The following FBXL12 variants were observed in gnomAD, a reference collection of about 807,000 sequenced individuals.
The protein encoded by FBXL12 is F-box/LRR-repeat protein 12.
A neutral mutation model predicts 24.9 loss-of-function variants in FBXL12; 22 were observed. The ratio of observed to expected loss-of-function variants is 0.88; its 90% CI spans 0.63 to 1.26. FBXL12 has a LOEUF of 1.26. FBXL12 is among the 50% of genes most tolerant of loss of function. The pLI, the probability that FBXL12 is intolerant of heterozygous loss-of-function variation, is 0.00. For synonymous variants in FBXL12, 193 were observed against 193.8 expected (o/e 1.00, Z 0.03); for missense variants, 384 against 434.1 (o/e 0.88, Z 1.03).
At chr19:9,814,901 T>C (rs750971342) in intron 2 of FBXL12, among the ~76,000 whole-genome samples, 1 of 150,314 alleles carries the variant, frequency 6.7e-6, no homozygotes, top group Non-Finnish European at 1.5e-5. Flanking sequence ...GAGATTTGGG[T>C]GGGGACACAG....
intron 2 of FBXL12, 57 bp downstream of exon 2, chr19:9,818,488 C>A: frequency 1.3e-6 from 2 of 1,515,040 alleles, no homozygotes; most frequent in East Asian, 2.5e-5. Flanking sequence ...GAGAGGTGGT[C>A]TTCGGGGTCC....
intron 2 of FBXL12, chr19:9,813,269 T>C (rs2045800854): frequency 8.1e-7 from 1 of 1,230,758 alleles, no homozygotes; most frequent in South Asian, 4.1e-5. Context: ...CTTGGCATCA[T>C]AGGGCCTAAT....
At chr19:9,815,047 C>T in intron 2 of FBXL12, among the ~76,000 whole-genome samples, 1 of 152,162 alleles carries the variant, frequency 6.6e-6, no homozygotes, top group South Asian at 2.1e-4. Flanking sequence ...TCCAAAGTCT[C>T]ATCTGAGACA....
intron 2 of FBXL12, among the ~76,000 whole-genome samples, chr19:9,817,807 A>G (rs1253888150): frequency 1.3e-5 from 2 of 152,262 alleles, no homozygotes; most frequent in Non-Finnish European, 2.9e-5. Flanking sequence ...TACTAACACT[A>G]TAATTGTTTT....
intron 2 of FBXL12, chr19:9,813,245 G>C: frequency 8.1e-7 from 1 of 1,231,356 alleles, no homozygotes. Flanking sequence ...GCCTTTTATT[G>C]CTGGATTTCT....
chr19:9,818,707 C>G, intron 1 of FBXL12, 21 bp downstream of exon 1: 4 of 1,543,730 alleles, frequency 2.6e-6, no homozygotes, highest in Non-Finnish European at 3.5e-6. Flanking sequence ...CCTGCCCTTC[C>G]CCCCGGAGGC....
In FBXL12 at chr19:9,819,048, G is replaced by GCGTGATTTGGCCGCGA; in HGVS notation, c.-251_-236dup. 1.7e-6 allele frequency: 1 copy of GCGTGATTTGGCCGCGA among 578,528 alleles called. No homozygotes were observed. The highest frequency in any genetic ancestry group is 3.1e-6 in the Non-Finnish European group (1 of 323,704). The allele number at this position is 578,528 out of a possible 1,614,324, so 35.8% of individuals were successfully genotyped here. On this transcript the variant is annotated 5_prime_UTR_variant, in exon 1 of 3. Transcript: ENST00000247977. Reference sequence around the variant, plus strand: ...GAGAGGCTTGCGGGAGGTGGCTGAGGCGTGATTTGGCCGCGACTGGGAACT... The same window carrying GCGTGATTTGGCCGCGA: ...GAGAGGCTTGCGGGAGGTGGCTGAGGCGTGATTTGGCCGCGACGTGATTTGGCCGCGACTGGGAACT...
At chr19:9,813,444 T>C (rs1259118865) in intron 2 of FBXL12, 1 of 333,374 alleles carries the variant, frequency 3.0e-6, no homozygotes. Context: ...CAAGCGATTC[T>C]CGTGCCTTAG....
rs571079470 is a variant in FBXL12 at position 9,815,780 on chromosome 19, G to A, written c.159+2765C>T. Reference sequence around the variant, plus strand: ...AGCGATTCTCCTGCCTCAGCCTCCCGAGTAGCTGGGATTACAAGCATGCGC... The same window carrying A: ...AGCGATTCTCCTGCCTCAGCCTCCCAAGTAGCTGGGATTACAAGCATGCGC... On this transcript the variant is annotated intron_variant, in intron 2 of 2. Transcript: ENST00000247977. Among the ~76,000 whole-genome samples the A allele has an allele frequency of 1.5e-4, 23 of 151,816 alleles. 1 individual carries two copies. Among genetic ancestry groups the A allele is most frequent in the South Asian group, 1.5e-3 (7 of 4,812 alleles).
intron 2 of FBXL12, chr19:9,814,350 AC>A (rs1347836635): frequency 1.3e-5 from 2 of 152,120 alleles, no homozygotes; most frequent in Non-Finnish European, 2.9e-5. Context: ...CTACTAAAAT[AC>A]AAAAAAAAAT....
At chr19:9,818,493 GGGTCCGGGCACCGCGACCGC>G (rs1297892992) in intron 2 of FBXL12, 32 bp downstream of exon 2, 1 of 1,519,834 alleles carries the variant, frequency 6.6e-7, no homozygotes, top group African/African-American at 1.4e-5. Flanking sequence ...GTGGTCTTCG[GGGTCCGGGCACCGCGACCGC>G]GGCCCAGGCC....
chr19:9,813,919 A>G (rs931507866), intron 2 of FBXL12, among the ~76,000 whole-genome samples: 9 of 152,048 alleles, frequency 5.9e-5, no homozygotes, highest in African/African-American at 2.2e-4. Context: ...GATTACAGGC[A>G]TGAGCCACTG....
intron 2 of FBXL12, among the ~76,000 whole-genome samples, chr19:9,812,507 G>A (rs961282390): frequency 1.4e-5 from 2 of 144,638 alleles, no homozygotes; most frequent in South Asian, 4.4e-4. Context: ...CTCCAGCCTG[G>A]GCGATAGAGT....
chr19:9,810,606 G>C lies in FBXL12; in HGVS notation c.*290C>G, dbSNP rs1443888030. The C allele has an allele frequency of 3.5e-6, 1 of 286,296 alleles. No homozygotes were observed. The highest frequency in any genetic ancestry group is 2.1e-5 in the African/African-American group (1 of 46,694). 17.7% of individuals were successfully genotyped at this position (286,296 alleles called of 1,614,324 possible). On this transcript the variant is annotated 3_prime_UTR_variant, in exon 3 of 3. Coordinates refer to ENST00000247977, the MANE Select transcript of FBXL12 (RefSeq NM_017703.3). ...GGTGACTCTTCATTGAGAGCCTCTG[G>C]AGGCTGGGAGCTTTTAGAGTAAGGC...
chr19:9,811,157 G>A lies in FBXL12; in HGVS notation c.720C>T (p.Leu240=). Residue 240 remains leucine, a synonymous_variant, in exon 3 of 3, where the codon CTC becomes CTT. Transcript: ENST00000247977. This position sits in a 1 kb window ranked among gnomAD's most constrained non-coding sequence, Gnocchi z 6.0. ...CCAGCACAGCCAGGCCAGGGGCAGAGAGGCCCCTCACGGTCAGCCGGATCT... is the reference window on the plus strand; with the variant it reads ...CCAGCACAGCCAGGCCAGGGGCAGAAAGGCCCCTCACGGTCAGCCGGATCT... ...VRKIRLTVRG[L]SAPGLAVLEG... is the part of the protein sequence containing the mutation. 1 of 1,606,860 alleles carries A rather than the reference G, an allele frequency of 6.2e-7. No individual in the cohort carries two copies.
intron 2 of FBXL12, chr19:9,814,369 G>C (rs904475934): frequency 1.3e-5 from 2 of 152,202 alleles, no homozygotes; most frequent in Non-Finnish European, 2.9e-5. Context: ...AATTAGCCGA[G>C]TGTGGTGGTG....
chr19:9,811,645 C>T lies in FBXL12; in HGVS notation c.232G>A (p.Gly78Ser), dbSNP rs572943496. Reference sequence around the variant, plus strand: ...GCCTGGGAGCCAGAGAACAGGTAGCCACCCATCCGCAGGGAATGGAGCCGG... The same window carrying T: ...GCCTGGGAGCCAGAGAACAGGTAGCTACCCATCCGCAGGGAATGGAGCCGG... ...ASRLHSLRMG[G>S]YLFSGSQAPQ... Residue 78 changes from glycine to serine, a missense_variant, in exon 3 of 3, where the codon GGC (glycine) becomes AGC (serine). Coordinates refer to ENST00000247977, the MANE Select transcript of FBXL12 (RefSeq NM_017703.3). The surrounding 1 kb of genome is among the most constrained non-coding windows in gnomAD (Gnocchi z 6.0). 5.9e-6 allele frequency: 9 copies of T among 1,526,264 alleles called. No homozygotes were observed. Among genetic ancestry groups the T allele is most frequent in the Non-Finnish European group, 7.0e-6 (8 of 1,136,744 alleles). The allele number at this position is 1,526,264 out of a possible 1,614,324, so 94.5% of individuals were successfully genotyped here. A position where few individuals can be genotyped will look rare whatever the true frequency, so the allele number is the denominator to read the frequency against.
At chr19:9,814,695 CAAAAAAAAAAAAA>C (rs977095403) in intron 2 of FBXL12, 1 of 45,826 alleles carries the variant, frequency 2.2e-5, no homozygotes, top group South Asian at 7.9e-4. Context: ...GACTCCATCT[CAAAAAAAAAAAAA>C]AAAAAAAAAT....
chr19:9,811,433 G>C lies in FBXL12; in HGVS notation c.444C>G (p.Thr148=). ...CGATGCATTCAAGCAGGGGCAGCAC[G>C]GTGGGGTCCTGCTGCTTGTGGAGCC... ...MAWLHKQQDP[T]VLPLLECIVL... The change falls in exon 3 of 3, where the codon ACC becomes ACG. Residue 148 remains threonine (T), a synonymous_variant. Transcript: ENST00000247977. This position sits in a 1 kb window ranked among gnomAD's most constrained non-coding sequence, Gnocchi z 6.0. 1 of 1,613,724 alleles carries C rather than the reference G, an allele frequency of 6.2e-7. No homozygotes were observed. Among genetic ancestry groups the C allele is most frequent in the Non-Finnish European group, 8.5e-7 (1 of 1,179,996 alleles).
Sources: allele counts gnomAD v4.1 joint callset (sites outside exome capture counted in the v4.1 genomes callset), GRCh38; gene constraint gnomAD v4.1.1; non-coding constraint Gnocchi (gnomAD v3.1); transcripts MANE v1.5; gene names NCBI Gene and HGNC (gene_info 2026-07-23, HGNC 2026-07-21).